Variants in RNF128 observed in about 807,000 individuals in gnomAD.
The protein encoded by RNF128 is ring finger protein 128.
In RNF128, 13 loss-of-function variants were observed where a neutral mutation model predicts 26.2. The observed-to-expected ratio is 0.50, with a 90% CI of 0.32 to 0.79. RNF128 has a LOEUF of 0.79. Among genes scored for constraint, RNF128 ranks in the 30% least tolerant of loss-of-function variants. RNF128 has a pLI of 0.03. For synonymous variants in RNF128, 149 were observed against 142.5 expected (o/e 1.05, Z -0.32); for missense variants, 315 against 349.7 (o/e 0.90, Z 0.79).
chrX:106,694,390 A>G (rs751545562), exon 1 of RNF128: 2 of 1,184,703 alleles, frequency 1.7e-6, no homozygotes, highest in Admixed American at 2.5e-5. Flanking sequence ...CAATCAGACG[A>G]TACAGATGGC....
intron 1 of RNF128, among the ~76,000 whole-genome samples, chrX:106,704,232 A>G (rs746536535): frequency 7.1e-4 from 78 of 109,824 alleles, no homozygotes; most frequent in African/African-American, 2.5e-3. Context: ...TCAGGAGATC[A>G]AAACCATCCT....
At chrX:106,739,174 T>G (rs774418256) in intron 1 of RNF128, among the ~76,000 whole-genome samples, 3 of 109,680 alleles carry the variant, frequency 2.7e-5, no homozygotes, top group Non-Finnish European at 5.7e-5. Flanking sequence ...CTGACTTTTT[T>G]TTTGAGACGC....
intron 1 of RNF128, among the ~76,000 whole-genome samples, chrX:106,704,984 A>G (rs1177531451): frequency 3.6e-5 from 4 of 112,082 alleles, no homozygotes; most frequent in Non-Finnish European, 7.5e-5. Context: ...GCAAGGGCAG[A>G]GCTGAACAGA....
chrX:106,708,949 A>G (rs2147660454), intron 1 of RNF128, among the ~76,000 whole-genome samples: 1 of 112,122 alleles, frequency 8.9e-6, no homozygotes, highest in East Asian at 2.8e-4. Context: ...GCAAATGAAT[A>G]CTTCCTAAAG....
intron 2 of RNF128, among the ~76,000 whole-genome samples, chrX:106,781,838 G>A (rs906959468): frequency 7.2e-5 from 8 of 110,982 alleles, no homozygotes; most frequent in African/African-American, 2.6e-4. Context: ...CTGGCATTTT[G>A]GATTTGGCCC....
chrX:106,793,162 T>C (rs1465807690), intron 6 of RNF128, among the ~76,000 whole-genome samples: 1 of 110,835 alleles, frequency 9.0e-6, no homozygotes, highest in Non-Finnish European at 1.9e-5. Flanking sequence ...TGCCTAGGAA[T>C]TTTCGTTTCT....
intron 4 of RNF128, among the ~76,000 whole-genome samples, chrX:106,788,785 T>C (rs1930741658): frequency 1.4e-5 from 1 of 72,144 alleles, no homozygotes. Flanking sequence ...ATAATACATA[T>C]TTTATATAAT....
chrX:106,749,710 A>G, intron 1 of RNF128, among the ~76,000 whole-genome samples: 1 of 111,311 alleles, frequency 9.0e-6, no homozygotes, highest in Non-Finnish European at 1.9e-5. Context: ...GTTTGAAGCC[A>G]GCCTGGGCAA....
chrX:106,717,837 A>C (rs1012986692), intron 1 of RNF128, among the ~76,000 whole-genome samples: 3 of 112,289 alleles, frequency 2.7e-5, no homozygotes, highest in African/African-American at 9.7e-5. Context: ...TGTTTCATTG[A>C]AAGTCTTCTA....
chrX:106,788,695 T>C (rs1214134639), intron 4 of RNF128, among the ~76,000 whole-genome samples: 1 of 67,773 alleles, frequency 1.5e-5, no homozygotes, highest in African/African-American at 6.2e-5. Context: ...TATAGTTATA[T>C]ATAAATATAT....
intron 3 of RNF128, among the ~76,000 whole-genome samples, chrX:106,787,269 G>T (rs932783353): frequency 9.0e-6 from 1 of 111,697 alleles, no homozygotes; most frequent in African/African-American, 3.2e-5. Flanking sequence ...ATAAAAGTGT[G>T]ATGGGAATCC....
chrX:106,738,938 C>T (rs2147674339), intron 1 of RNF128, among the ~76,000 whole-genome samples: 1 of 111,665 alleles, frequency 9.0e-6, no homozygotes, highest in African/African-American at 3.3e-5. Context: ...CACTGCAGGG[C>T]TTCTTAGAGC....
chrX:106,697,635 C>T (rs1430005745), intron 1 of RNF128, among the ~76,000 whole-genome samples: 1 of 111,823 alleles, frequency 8.9e-6, no homozygotes, highest in Non-Finnish European at 1.9e-5. Context: ...GATGCTTCCA[C>T]ACTCCTTGCC....
At chrX:106,760,471 G>C (rs1360531111) in intron 1 of RNF128, among the ~76,000 whole-genome samples, 1 of 111,663 alleles carries the variant, frequency 9.0e-6, no homozygotes, top group East Asian at 2.8e-4. Context: ...TATTATAAAA[G>C]AGACAAAAAA....
chrX:106,702,133 T>A (rs2147657749), intron 1 of RNF128, among the ~76,000 whole-genome samples: 1 of 110,341 alleles, frequency 9.1e-6, no homozygotes, highest in African/African-American at 3.3e-5. Flanking sequence ...ACAAACATAA[T>A]TGCATAAAAA....
At chrX:106,698,276 G>GTC (rs1056372051) in intron 1 of RNF128, among the ~76,000 whole-genome samples, 1 of 109,508 alleles carries the variant, frequency 9.1e-6, no homozygotes, top group African/African-American at 3.3e-5. Context: ...AGCAAGGTCA[G>GTC]TAATTTGGGA....
rs778575877 is a variant in RNF128 at position 106,714,419 on chromosome X, A to C, written c.406+20011A>C. Among the ~76,000 whole-genome samples, 3 of 111,784 alleles carry C rather than the reference A, an allele frequency of 2.7e-5. No homozygotes were observed. The South Asian group carries it at 1.1e-3, about 42-fold the overall frequency. On this transcript the variant is annotated intron_variant, in intron 1 of 6. Transcript: ENST00000324342. ...TTATTTTTTAAAAATGTAGATTTACATGCAGTTGTAAGAAATAGATCTGTG... is the reference window on the plus strand; with the variant it reads ...TTATTTTTTAAAAATGTAGATTTACCTGCAGTTGTAAGAAATAGATCTGTG...
intron 1 of RNF128, among the ~76,000 whole-genome samples, chrX:106,718,317 T>A (rs756473158): frequency 2.2e-4 from 25 of 111,694 alleles, no homozygotes; most frequent in African/African-American, 7.8e-4. Context: ...CTGCCCTCTT[T>A]TTCCCCCTCT....
chrX:106,735,161 A>G (rs1177462927), intron 1 of RNF128, among the ~76,000 whole-genome samples: 1 of 111,544 alleles, frequency 9.0e-6, no homozygotes, highest in African/African-American at 3.3e-5. Flanking sequence ...TTTATTAAGG[A>G]AAGTTTGGTG....
Sources: allele counts gnomAD v4.1 joint callset (sites outside exome capture counted in the v4.1 genomes callset), GRCh38; gene constraint gnomAD v4.1.1; transcripts MANE v1.5; gene names NCBI Gene and HGNC (gene_info 2026-07-23, HGNC 2026-07-21).